C17orf99: variants seen among roughly 807,000 people sequenced by gnomAD.
C17orf99 encodes the protein protein IL-40.
In C17orf99, 18 loss-of-function variants were observed where a neutral mutation model predicts 22.6. The observed-to-expected ratio is 0.80, with a 90% CI of 0.55 to 1.18. C17orf99 has a LOEUF of 1.18. C17orf99 is among the 50% of genes most tolerant of loss of function. C17orf99 has a pLI of 0.00. For synonymous variants in C17orf99, 147 were observed against 136.6 expected, an observed-to-expected ratio of 1.08 and a Z score of -0.53; for missense variants, 328 against 342.7, an observed-to-expected ratio of 0.96 and a Z score of 0.34.
Position 78,146,554 on chromosome 17 carries a change from C to T in C17orf99, c.37+110C>T. ...GAGATGAGGCCTGAAGGAAGGGCAC[C>T]TCTGGAAACATGGACAGAGAGGGAA... On this transcript the variant is annotated intron_variant, in intron 1 of 4. Transcript: ENST00000340363. This position sits in a 1 kb window ranked among gnomAD's most constrained non-coding sequence, Gnocchi z 5.2. 1.0e-6 allele frequency: 1 copy of T among 987,460 alleles called. No individual in the cohort carries two copies. Among genetic ancestry groups the T allele is most frequent in the Admixed American group, 2.1e-5 (1 of 48,386 alleles). The allele number at this position is 987,460 out of a possible 1,614,324, so 61.2% of individuals were successfully genotyped here. A position where few individuals can be genotyped will look rare whatever the true frequency, so the allele number is the denominator to read the frequency against.
At chr17:78,158,300 A>AG in intron 2 of C17orf99, 1 of 339,622 alleles carries the variant, frequency 2.9e-6, no homozygotes, top group South Asian at 2.7e-5. Flanking sequence ...CCTCCTACAC[A>AG]TTTTTTTTTT....
intron 2 of C17orf99, among the ~76,000 whole-genome samples, chr17:78,160,432 A>T (rs2075564250): frequency 6.6e-6 from 1 of 151,458 alleles, no homozygotes; most frequent in African/African-American, 2.4e-5. Flanking sequence ...GCTATTCGGG[A>T]GGCTGAAGCA....
rs144795796 is a variant in C17orf99, at chr17:78,148,870, G to C, written c.70+1959G>C. On this transcript the variant is annotated intron_variant, in intron 2 of 4. Transcript: ENST00000340363. ...GCCGAGGTCATTTGGACACTGTGTGGATGGAGATCAAAGGCAAAATCCAAG... is the reference window on the plus strand; with the variant it reads ...GCCGAGGTCATTTGGACACTGTGTGCATGGAGATCAAAGGCAAAATCCAAG... 4.9e-3 allele frequency among the ~76,000 whole-genome samples: 739 copies of C among 152,276 alleles called. 5 individuals are homozygous for C. Among genetic ancestry groups the C allele is most frequent in the Middle Eastern group, 0.02 (6 of 294 alleles).
At chr17:78,163,732 G>A (rs1371677097) in intron 3 of C17orf99, among the ~76,000 whole-genome samples, 3 of 152,146 alleles carry the variant, frequency 2.0e-5, no homozygotes, top group Non-Finnish European at 4.4e-5. Flanking sequence ...TGGATGTGGT[G>A]GTGCACACCT....
At chr17:78,155,046 G>T (rs1034787360) in intron 2 of C17orf99, among the ~76,000 whole-genome samples, 1 of 151,956 alleles carries the variant, frequency 6.6e-6, no homozygotes. Flanking sequence ...CATTCTTCGC[G>T]GTGGGGGCTG....
chr17:78,164,336 G>T lies in C17orf99; in HGVS notation c.612G>T (p.Gln204His). The stretch of plus-strand genomic sequence containing the variant: ...AGGCTGCAAACAACGCCAATGTCCA[G>T]CACAGCGCCCTCACAGTGGTGCCCC... ...WCQAANNANV[Q>H]HSALTVVPPG... Residue 204 changes from glutamine (Q) to histidine (H), a missense_variant, in exon 4 of 5, where the codon CAG becomes CAT. Physicochemically the swap from Gln to His is conservative, Grantham distance 24 (BLOSUM62 0). Coordinates refer to ENST00000340363, the MANE Select transcript of C17orf99 (RefSeq NM_001163075.2). 6.4e-7 allele frequency: 1 copy of T among 1,551,556 alleles called. No individual in the cohort carries two copies. Among genetic ancestry groups the T allele is most frequent in the South Asian group, 1.2e-5 (1 of 84,068 alleles).
intron 2 of C17orf99, among the ~76,000 whole-genome samples, chr17:78,149,046 G>A (rs910219031): frequency 2.0e-5 from 3 of 152,180 alleles, no homozygotes; most frequent in Admixed American, 1.3e-4. Flanking sequence ...GAAAGATGGC[G>A]CCAAGCCGGG....
chr17:78,161,450 TG>T (rs2075576052), intron 3 of C17orf99, among the ~76,000 whole-genome samples, 196 bp downstream of exon 3: 1 of 152,058 alleles, frequency 6.6e-6, no homozygotes, highest in Non-Finnish European at 1.5e-5. Flanking sequence ...TGTCCCTGGC[TG>T]GGGCCCTGAG....
intron 3 of C17orf99, among the ~76,000 whole-genome samples, chr17:78,161,992 G>T (rs551501021): frequency 6.6e-6 from 1 of 152,276 alleles, no homozygotes; most frequent in South Asian, 2.1e-4. Flanking sequence ...AGTTGCCCCA[G>T]GGGCTGGGTG....
At chr17:78,148,219 T>TAAAAAAAA (rs34982417) in intron 2 of C17orf99, among the ~76,000 whole-genome samples, 2 of 140,698 alleles carry the variant, frequency 1.4e-5, no homozygotes, top group African/African-American at 2.7e-5. Context: ...CCCCATCTCT[T>TAAAAAAAA]AAAAAAAAAA....
chr17:78,162,741 T>C (rs1391642509), intron 3 of C17orf99, among the ~76,000 whole-genome samples: 1 of 152,134 alleles, frequency 6.6e-6, no homozygotes, highest in Non-Finnish European at 1.5e-5. Flanking sequence ...AGCCAAGAGT[T>C]TGAGACCAGC....
rs61313254 is a variant in C17orf99 at position 78,148,537 on chromosome 17, G to A, written c.70+1626G>A. On this transcript the variant is annotated intron_variant, in intron 2 of 4. Coordinates refer to ENST00000340363, the MANE Select transcript of C17orf99 (RefSeq NM_001163075.2). ...GCAAAAAAAGCACATTCTAAGGTAT[G>A]TTAGTTAGAATGTTCTAGAGAAAAG... 2.9e-3 allele frequency among the ~76,000 whole-genome samples: 436 copies of A among 152,148 alleles called. 4 individuals are homozygous for A. The highest frequency in any genetic ancestry group is 0.01 in the African/African-American group (417 of 41,494).
In C17orf99 at chr17:78,158,249, C is replaced by G. The variant is rs147863452; in HGVS notation, c.71-2706C>G. 1.6e-5 allele frequency: 9 copies of G among 565,144 alleles called. 1 individual carries two copies. The highest frequency in any genetic ancestry group is 1.3e-4 in the Admixed American group (6 of 47,530). 35.0% of individuals were successfully genotyped at this position (565,144 alleles called of 1,614,324 possible). A position where few individuals can be genotyped will look rare whatever the true frequency, so the allele number is the denominator to read the frequency against. On this transcript the variant is annotated intron_variant, in intron 2 of 4. Coordinates refer to ENST00000340363, the MANE Select transcript of C17orf99 (RefSeq NM_001163075.2). ...GATCCTCCCAAGAGGCCCCCTCCCC[C>G]AGGCTGGCTTGGCTCTGCCCTGGTC...
At chr17:78,157,188 G>A (rs1323595919) in intron 2 of C17orf99, among the ~76,000 whole-genome samples, 2 of 151,914 alleles carry the variant, frequency 1.3e-5, no homozygotes, top group African/African-American at 4.8e-5. Flanking sequence ...AACTTAGGCC[G>A]GGCACGGTGG....
chr17:78,145,725 C>G (rs1052364539), upstream of C17orf99, among the ~76,000 whole-genome samples: 49 of 152,076 alleles, frequency 3.2e-4, no homozygotes, highest in African/African-American at 1.2e-3. Flanking sequence ...TGAGAAGACT[C>G]ACAGCCTTCA....
chr17:78,148,913 C>T lies in C17orf99; in HGVS notation c.70+2002C>T, dbSNP rs185788951. 9.6e-4 allele frequency among the ~76,000 whole-genome samples: 146 copies of T among 152,220 alleles called. 1 individual carries two copies. The highest frequency in any genetic ancestry group is 2.7e-3 in the African/African-American group (114 of 41,532). On this transcript the variant is annotated intron_variant, in intron 2 of 4. Transcript: ENST00000340363. ...AATCCAAGAGAGCCATTAGGCTACTCGGGATCCAGAGGAGAGACTGGGCAA... is the reference window on the plus strand; with the variant it reads ...AATCCAAGAGAGCCATTAGGCTACTTGGGATCCAGAGGAGAGACTGGGCAA...
At chr17:78,149,460 G>C (rs964685038) in intron 2 of C17orf99, among the ~76,000 whole-genome samples, 2 of 151,908 alleles carry the variant, frequency 1.3e-5, no homozygotes, top group African/African-American at 4.8e-5. Context: ...GGAGTGGAAA[G>C]CTGGGTACAC....
At chr17:78,154,888 G>T (rs1443565868) in intron 2 of C17orf99, among the ~76,000 whole-genome samples, 1 of 152,170 alleles carries the variant, frequency 6.6e-6, no homozygotes, top group Non-Finnish European at 1.5e-5. Context: ...GAGTTATCAT[G>T]AAATTTTCAA....
chr17:78,152,874 G>A (rs1191784249), intron 2 of C17orf99, among the ~76,000 whole-genome samples: 1 of 151,786 alleles, frequency 6.6e-6, no homozygotes, highest in East Asian at 2.0e-4. Flanking sequence ...TTGAGGTCAG[G>A]AGTTGTAGAC....
Sources: gnomAD v4.1 joint callset for allele counts (sites outside exome capture counted in the v4.1 genomes callset) on GRCh38, gnomAD v4.1.1 for gene constraint, Gnocchi (gnomAD v3.1) non-coding constraint, MANE v1.5 for transcripts, NCBI Gene and HGNC (gene_info 2026-07-23, HGNC 2026-07-21) for gene names.